Variants in TSNARE1 observed in about 807,000 individuals in gnomAD.
The protein encoded by TSNARE1 is t-SNARE domain-containing protein 1.
Under a neutral mutation model 62.0 loss-of-function variants are expected in TSNARE1, and 49 were observed. That is an observed-to-expected ratio of 0.79 (90% CI 0.63 to 1.00). The LOEUF (loss-of-function observed/expected upper bound fraction) is 1.00. Ranked by LOEUF, TSNARE1 falls within the 50% of genes least tolerant of loss-of-function variation. TSNARE1 has a pLI of 0.00. For missense variants in TSNARE1, 755 were observed against 700.1 expected (o/e 1.08, Z -0.88); for synonymous variants, 328 against 294.4 (o/e 1.11, Z -1.17).
At chr8:142,329,974 C>A (rs2131988594) in intron 6 of TSNARE1, among the ~76,000 whole-genome samples, 1 of 152,352 alleles carries the variant, frequency 6.6e-6, no homozygotes, top group Non-Finnish European at 1.5e-5. Context: ...GACTCCAGCA[C>A]CCTCCACCCT....
intron 1 of TSNARE1, among the ~76,000 whole-genome samples, chr8:142,396,493 G>A (rs1287184985): frequency 6.6e-6 from 1 of 152,206 alleles, no homozygotes; most frequent in East Asian, 1.9e-4. Flanking sequence ...ATCATCTCAA[G>A]ATGGAAGGGA....
intron 10 of TSNARE1, among the ~76,000 whole-genome samples, chr8:142,285,360 G>A (rs541013871): frequency 5.1e-4 from 74 of 144,298 alleles, no homozygotes; most frequent in African/African-American, 1.6e-3. Flanking sequence ...AGATGGATGG[G>A]TGGGTGGGTA....
intron 6 of TSNARE1, among the ~76,000 whole-genome samples, chr8:142,327,994 G>C (rs578075916): frequency 1.4e-3 from 219 of 152,224 alleles, no homozygotes; most frequent in African/African-American, 4.7e-3. Flanking sequence ...GTGAGAGGGA[G>C]GCATCGCTGC....
chr8:142,332,842 C>T (rs1193569249), intron 4 of TSNARE1, among the ~76,000 whole-genome samples: 1 of 152,196 alleles, frequency 6.6e-6, no homozygotes. Context: ...AGGAGCAGAG[C>T]GCACATCCAG....
intron 13 of TSNARE1, among the ~76,000 whole-genome samples, chr8:142,214,403 G>A (rs908040153): frequency 6.6e-6 from 1 of 152,300 alleles, no homozygotes; most frequent in Middle Eastern, 3.4e-3. Flanking sequence ...CCGGATTTGG[G>A]ATGGTGCCCG....
chr8:142,390,175 C>T lies in TSNARE1; in HGVS notation c.-40+12929G>A, dbSNP rs193241329. 4.6e-4 allele frequency among the ~76,000 whole-genome samples: 70 copies of T among 152,336 alleles called. 1 individual carries two copies. The highest frequency in any genetic ancestry group is 1.6e-3 in the African/African-American group (67 of 41,576). ...TGCAGGACTAGAAGTTGCCTGCGTGCGTCAGGGAGTGAGTGGCAAGTGAAT... is the reference window on the plus strand; with the variant it reads ...TGCAGGACTAGAAGTTGCCTGCGTGTGTCAGGGAGTGAGTGGCAAGTGAAT... On this transcript the variant is annotated intron_variant, in intron 1 of 13. Transcript: ENST00000524325.
chr8:142,228,421 C>A (rs562240553), intron 13 of TSNARE1, among the ~76,000 whole-genome samples: 43 of 152,356 alleles, frequency 2.8e-4, no homozygotes, highest in Middle Eastern at 3.4e-3. Flanking sequence ...CCAGTGCCAG[C>A]CATGTGTCTC....
intron 11 of TSNARE1, among the ~76,000 whole-genome samples, chr8:142,280,836 G>A (rs553793151): frequency 3.9e-5 from 6 of 152,272 alleles, no homozygotes; most frequent in African/African-American, 1.2e-4. Flanking sequence ...CTGGGGAGAG[G>A]AGGTGGTAAG....
chr8:142,278,906 C>A (rs1820945368), intron 11 of TSNARE1: 1 of 619,470 alleles, frequency 1.6e-6, no homozygotes, highest in Non-Finnish European at 2.0e-6. Flanking sequence ...AGGCTCCTCC[C>A]TGGCTCTGCC....
At chr8:142,315,262 G>A (rs1828337439) in intron 7 of TSNARE1, among the ~76,000 whole-genome samples, 170 bp from the exon 8 acceptor site, 1 of 152,114 alleles carries the variant, frequency 6.6e-6, no homozygotes, top group African/African-American at 2.4e-5. Flanking sequence ...GCACACCCAG[G>A]GTCCCCAGGG....
intron 12 of TSNARE1, among the ~76,000 whole-genome samples, chr8:142,239,609 G>A (rs1405216659): frequency 6.6e-6 from 1 of 152,258 alleles, no homozygotes; most frequent in African/African-American, 2.4e-5. Context: ...GATTCAGGAG[G>A]CGTGGAAAGT....
At chr8:142,248,763 C>A (rs1407501306) in intron 12 of TSNARE1, among the ~76,000 whole-genome samples, 1 of 152,224 alleles carries the variant, frequency 6.6e-6, no homozygotes, top group Non-Finnish European at 1.5e-5. Flanking sequence ...TGAGCCTGGC[C>A]CACGGGGGCT....
intron 10 of TSNARE1, among the ~76,000 whole-genome samples, chr8:142,299,873 C>T (rs1825424689): frequency 6.6e-6 from 1 of 152,214 alleles, no homozygotes; most frequent in Non-Finnish European, 1.5e-5. Flanking sequence ...ACACATTTGG[C>T]AGCAGGTATT....
rs181785202 is a variant in TSNARE1 at position 142,400,925 on chromosome 8, T to C, written c.-40+2179A>G. Among the ~76,000 whole-genome samples the C allele has an allele frequency of 8.3e-3, 1,258 of 152,326 alleles. 19 individuals are homozygous for C. Among genetic ancestry groups the C allele is most frequent in the African/African-American group, 0.029 (1,189 of 41,570 alleles). On this transcript the variant is annotated intron_variant, in intron 1 of 13. Transcript: ENST00000524325. ...AAACTGAGTAATGAACACAGTTCCC[T>C]GGTCACCTGGCACCAGGAGGTGCTG... is the stretch of plus-strand genomic sequence containing the variant.
At chr8:142,370,114 T>A (rs1250619148) in intron 1 of TSNARE1, among the ~76,000 whole-genome samples, 1 of 152,160 alleles carries the variant, frequency 6.6e-6, no homozygotes, top group Non-Finnish European at 1.5e-5. Context: ...GAAGGCCCCA[T>A]CTAGGAACTA....
rs569101895 is a variant in TSNARE1, at chr8:142,213,964, C to T, written c.*12-1651G>A. Among the ~76,000 whole-genome samples, 215 of 152,314 alleles carry T rather than the reference C, an allele frequency of 1.4e-3. 1 individual carries two copies. The highest frequency in any genetic ancestry group is 4.8e-3 in the African/African-American group (200 of 41,576). ...TGGGGCTCCCCATCAGAGCCAGCCC[C>T]CCCGGGAAGCCCTGGCCTTTCCAGG... is the stretch of plus-strand genomic sequence containing the variant. On this transcript the variant is annotated intron_variant, in intron 13 of 13. Transcript: ENST00000524325.
intron 13 of TSNARE1, among the ~76,000 whole-genome samples, chr8:142,214,317 C>T (rs1014915378): frequency 6.6e-6 from 1 of 152,220 alleles, no homozygotes; most frequent in African/African-American, 2.4e-5. Context: ...CTTCATTCCG[C>T]CATGGGGCTC....
intron 10 of TSNARE1, among the ~76,000 whole-genome samples, chr8:142,285,105 G>A (rs539361099): frequency 5.3e-5 from 8 of 152,270 alleles, no homozygotes; most frequent in East Asian, 1.9e-4. Context: ...GGACAGATGC[G>A]TGAATAGGTG....
chr8:142,341,230 G>A (rs964199581), intron 4 of TSNARE1, among the ~76,000 whole-genome samples: 2 of 152,194 alleles, frequency 1.3e-5, no homozygotes, highest in Non-Finnish European at 2.9e-5. Context: ...AGGACATTGA[G>A]AGTGCCCTCA....
Sources: gnomAD v4.1 joint callset for allele counts (sites outside exome capture counted in the v4.1 genomes callset) on GRCh38, gnomAD v4.1.1 for gene constraint, MANE v1.5 for transcripts, NCBI Gene and HGNC (gene_info 2026-07-23, HGNC 2026-07-21) for gene names.